The following LLGL1 variants were observed in gnomAD, a reference collection of about 807,000 sequenced individuals.
LLGL1 encodes lethal(2) giant larvae protein homolog 1.
In LLGL1, 58 loss-of-function variants were observed where a neutral mutation model predicts 110.6. The ratio of observed to expected loss-of-function variants is 0.52; its 90% CI spans 0.42 to 0.65. The LOEUF is 0.65. LLGL1 is among the 30% of genes least tolerant of loss of function. LLGL1 has a pLI of 0.00. For synonymous variants in LLGL1, 674 were observed against 607.2 expected (o/e 1.11, Z -1.62); for missense variants, 1,229 against 1,462.1 (o/e 0.84, Z 2.60).
intron 10 of LLGL1, 33 bp downstream of exon 10, chr17:18,235,345 T>G (rs2047669322): frequency 6.2e-7 from 1 of 1,607,094 alleles, no homozygotes; most frequent in Non-Finnish European, 8.5e-7. Context: ...TCTTACAGGG[T>G]GGAGTCTTGA....
At chr17:18,235,853 A>C in intron 11 of LLGL1, 4 of 365,712 alleles carry the variant, frequency 1.1e-5, no homozygotes, top group Non-Finnish European at 2.0e-5. Context: ...CAGAGAGCCC[A>C]GCGTGGGCCT....
rs558854973 is a variant in LLGL1 at position 18,232,729 on chromosome 17, C to A, written c.319C>A (p.His107Asn). 1 of 1,614,148 alleles carries A rather than the reference C, an allele frequency of 6.2e-7. No individual in the cohort carries two copies. The highest frequency in any genetic ancestry group is 1.7e-5 in the Admixed American group (1 of 60,020). The stretch of plus-strand genomic sequence containing the variant: ...TCTGCATCTCTGGGAGATTGTCCAC[C>A]ATAATGGCTGTGCCCACCTGGAAGA... ...SSLHLWEIVHHNGCAHLEEAL... is the reference protein window; with the variant it reads ...SSLHLWEIVHNNGCAHLEEAL... The change falls in exon 4 of 23, where the codon CAT (histidine) becomes AAT (asparagine). Residue 107 changes from histidine to asparagine, a missense_variant. By Grantham distance (68) the His-to-Asn change is moderately conservative (BLOSUM62 1). Coordinates refer to ENST00000316843, the MANE Select transcript of LLGL1 (RefSeq NM_004140.4).
In LLGL1 at chr17:18,225,721, G is replaced by A. The variant is rs1163640747; in HGVS notation, c.39G>A (p.Pro13=). 9.5e-7 allele frequency: 1 copy of A among 1,056,912 alleles called. No individual in the cohort carries two copies. The highest frequency in any genetic ancestry group is 1.2e-6 in the Non-Finnish European group (1 of 865,318). The allele number at this position is 1,056,912 out of a possible 1,614,324, so 65.5% of individuals were successfully genotyped here. Reference sequence around the variant, plus strand: ...GGTTCCGGCGGCAGGGCGCCGACCCGCAGCGCGAGAAGCTCAAGCAGGAGC... The same window carrying A: ...GGTTCCGGCGGCAGGGCGCCGACCCACAGCGCGAGAAGCTCAAGCAGGAGC... ...KFRFRRQGAD[P]QREKLKQELF... The change falls in exon 1 of 23, where the codon CCG becomes CCA. Residue 13 remains proline, a synonymous_variant. Coordinates refer to ENST00000316843, the MANE Select transcript of LLGL1 (RefSeq NM_004140.4).
At chr17:18,238,392 G>C in intron 15 of LLGL1, 64 bp from the exon 16 acceptor site, 1 of 1,573,494 alleles carries the variant, frequency 6.4e-7, no homozygotes. Context: ...AACGTAGGGC[G>C]CAAAGCAGGA....
chr17:18,229,840 C>T, intron 1 of LLGL1, 101 bp from the exon 2 acceptor site: 3 of 734,636 alleles, frequency 4.1e-6, no homozygotes, highest in South Asian at 3.4e-5. Flanking sequence ...CCCAGTGTGT[C>T]AGCTGCAGAC....
chr17:18,242,557 A>G lies in LLGL1; in HGVS notation c.3045A>G (p.Ser1015=), dbSNP rs2142729416. The G allele has an allele frequency of 5.6e-6, 9 of 1,614,106 alleles. No homozygotes were observed. The highest frequency in any genetic ancestry group is 2.2e-5 in the South Asian group (2 of 91,086). The change falls in exon 21 of 23, where the codon TCA becomes TCG. Residue 1015 remains serine, a synonymous_variant. Coordinates refer to ENST00000316843, the MANE Select transcript of LLGL1 (RefSeq NM_004140.4). ...CACTCTCACCCATGTCCATCGACTCAGCCACCAGTGCTGACACCACGCTGG... is the reference window on the plus strand; with the variant it reads ...CACTCTCACCCATGTCCATCGACTCGGCCACCAGTGCTGACACCACGCTGG... The part of the protein sequence containing the change: ...EAALSPMSID[S]ATSADTTLDT...
At chr17:18,232,426 G>T (rs1382485915) in intron 2 of LLGL1, 69 bp from the exon 3 acceptor site, 37 of 1,379,778 alleles carry the variant, frequency 2.7e-5, no homozygotes, top group Non-Finnish European at 3.5e-5. Context: ...TCAAGGAGGA[G>T]CCTTGGGTGT....
chr17:18,240,872 A>T lies in LLGL1; in HGVS notation c.2501A>T (p.Lys834Met). The T allele has an allele frequency of 6.6e-7, 1 of 1,521,282 alleles. No homozygotes were observed. The highest frequency in any genetic ancestry group is 2.5e-5 in the East Asian group (1 of 40,498). 94.2% of individuals were successfully genotyped at this position (1,521,282 alleles called of 1,614,324 possible). A position where few individuals can be genotyped will look rare whatever the true frequency, so the allele number is the denominator to read the frequency against. Reference protein sequence around the residue: ...AVLIASEEQFKVFTLPKVSAK... With the variant: ...AVLIASEEQFMVFTLPKVSAK... Reference sequence around the variant, plus strand: ...CTCATCGCATCTGAGGAGCAGTTCAAGGTGAGCCACTGTGGGCTGTGGGGG... The same window carrying T: ...CTCATCGCATCTGAGGAGCAGTTCATGGTGAGCCACTGTGGGCTGTGGGGG... The change falls in exon 17 of 23, where the codon AAG becomes ATG. Residue 834 changes from lysine to methionine, a missense_variant and splice_region_variant. Physicochemically the swap from Lys to Met is moderately conservative, Grantham distance 95 (BLOSUM62 -1). Coordinates refer to ENST00000316843, the MANE Select transcript of LLGL1 (RefSeq NM_004140.4). This position sits in a 1 kb window ranked among gnomAD's most constrained non-coding sequence, Gnocchi z 5.3.
rs1163776679 is a variant in LLGL1 at position 18,244,722 on chromosome 17, C to CG, written c.*828dup. On this transcript the variant is annotated 3_prime_UTR_variant, in exon 23 of 23. Transcript: ENST00000316843. The stretch of plus-strand genomic sequence containing the variant: ...GGCCTAGTCAGGTGTGTGTGTCCGG[C>CG]GGGGGGGGGGGGCAGGGGGGGGGGT... 90 of 7,890 alleles carry CG rather than the reference C, an allele frequency of 0.011. 6 individuals carry two copies. Among genetic ancestry groups the CG allele is most frequent in the African/African-American group, 0.032 (30 of 930 alleles). The allele number at this position is 7,890 out of a possible 1,614,324, so 0.5% of individuals were successfully genotyped here.
Position 18,240,465 on chromosome 17 carries a change from G to T in LLGL1, c.2207-113G>T. On this transcript the variant is annotated intron_variant, in intron 16 of 22. Transcript: ENST00000316843. This position sits in a 1 kb window ranked among gnomAD's most constrained non-coding sequence, Gnocchi z 5.3. ...CAGCCCTGAGTCCCAGGGTGTCATA[G>T]TTAGGAAGCAGGGCTACAAGAGAGG... 1 of 1,284,682 alleles carries T rather than the reference G, an allele frequency of 7.8e-7. No homozygotes were observed. The highest frequency in any genetic ancestry group is 1.1e-6 in the Non-Finnish European group (1 of 942,868). The allele number at this position is 1,284,682 out of a possible 1,614,324, so 79.6% of individuals were successfully genotyped here.
rs566558385 is a variant in LLGL1 at position 18,241,908 on chromosome 17, G to C, written c.2791G>C (p.Glu931Gln). 3.2e-5 allele frequency: 52 copies of C among 1,614,102 alleles called. 1 individual carries two copies. In the South Asian group the frequency reaches 5.4e-4, roughly 17 times the overall value. The change falls in exon 19 of 23, where the codon GAA becomes CAA. Residue 931 changes from glutamate to glutamine, a missense_variant. Physicochemically the swap from Glu to Gln is conservative, Grantham distance 29 (BLOSUM62 2). Transcript: ENST00000316843. ...AGGCTTTTACCTGATATCCCCATCA[G>C]AATTTGAACGCTTCTCCCTAAGTGC... ...GQGFYLISPS[E>Q]FERFSLSARN...
Position 18,234,397 on chromosome 17 carries a change from C to T in LLGL1, c.839C>T (p.Thr280Ile), listed in dbSNP as rs1301123851. 6.2e-6 allele frequency: 10 copies of T among 1,612,566 alleles called. No individual in the cohort carries two copies. The African/African-American group carries it at 9.3e-5, about 15-fold the overall frequency. The change falls in exon 7 of 23, where the codon ACC becomes ATC. Residue 280 changes from threonine to isoleucine, a missense_variant. Physicochemically the swap from Thr to Ile is moderately conservative, Grantham distance 89 (BLOSUM62 -1). Transcript: ENST00000316843. ...SFPTLQPTVA[T>I]TPYGPFPCKA... ...CCAACGCTGCAGCCCACGGTAGCCA[C>T]CACACCTTACGGTGAGTGCTGGGGA...
At position 18,237,548 on chromosome 17, in the gene LLGL1, T is replaced by A; in HGVS notation, c.1679T>A (p.Leu560His). 5.0e-6 allele frequency: 8 copies of A among 1,608,968 alleles called. No homozygotes were observed. Among genetic ancestry groups the A allele is most frequent in the Non-Finnish European group, 6.8e-6 (8 of 1,178,364 alleles). ...QAVSVAIIDL[L>H]QDREGFTWKG... ...GTCAGCGTGGCCATCATAGACCTCC[T>A]CCAGGACCGCGAGGGCTTCACATGG... Residue 560 changes from leucine (L) to histidine (H), a missense_variant, in exon 14 of 23, where the codon CTC becomes CAC. Leu to His is a moderately conservative substitution (Grantham distance 99, BLOSUM62 -3). Transcript: ENST00000316843.
chr17:18,236,948 G>A lies in LLGL1; in HGVS notation c.1611+9G>A, dbSNP rs1460207466. The A allele has an allele frequency of 3.1e-6, 5 of 1,607,028 alleles. No individual in the cohort carries two copies. Among genetic ancestry groups the A allele is most frequent in the Non-Finnish European group, 4.3e-6 (5 of 1,175,590 alleles). Reference sequence around the variant, plus strand: ...CTGGCACTGCAGGCCAGGTAGGGCTGGGTGTCCCCTGGGTTGGAGATGTCA... The same window carrying A: ...CTGGCACTGCAGGCCAGGTAGGGCTAGGTGTCCCCTGGGTTGGAGATGTCA... On this transcript the variant is annotated intron_variant, in intron 13 of 22. Coordinates refer to ENST00000316843, the MANE Select transcript of LLGL1 (RefSeq NM_004140.4).
chr17:18,229,824 C>T (rs2047529231), intron 1 of LLGL1, 117 bp from the exon 2 acceptor site: 2 of 672,846 alleles, frequency 3.0e-6, no homozygotes, highest in East Asian at 2.6e-5. Context: ...AGACCTGCCT[C>T]CTACCCCCAG....
intron 18 of LLGL1, 40 bp from the exon 19 acceptor site, chr17:18,241,845 G>A: frequency 2.5e-6 from 4 of 1,603,902 alleles, no homozygotes; most frequent in Non-Finnish European, 1.7e-6. Flanking sequence ...GTGGTTGGTG[G>A]TATCTTCTAA....
chr17:18,230,489 C>CA (rs2047543111), intron 2 of LLGL1, among the ~76,000 whole-genome samples: 2 of 150,170 alleles, frequency 1.3e-5, no homozygotes, highest in Non-Finnish European at 2.9e-5. Flanking sequence ...CCAGGCTCGG[C>CA]ATGGTGAGCA....
rs1326571601 is a variant in LLGL1 at position 18,240,927 on chromosome 17, C to T, written c.2502+54C>T. On this transcript the variant is annotated intron_variant, in intron 17 of 22. Transcript: ENST00000316843. The surrounding 1 kb of genome is among the most constrained non-coding windows in gnomAD (Gnocchi z 5.3). ...TGGGGGACTCCCCTCCAGGCCCCAA[C>T]CTCATGGACACCATTGGACCCTCAA... 6.9e-7 allele frequency: 1 copy of T among 1,455,030 alleles called. No individual in the cohort carries two copies. The highest frequency in any genetic ancestry group is 1.4e-5 in the South Asian group (1 of 71,444). The allele number at this position is 1,455,030 out of a possible 1,614,324, so 90.1% of individuals were successfully genotyped here. A position where few individuals can be genotyped will look rare whatever the true frequency, so the allele number is the denominator to read the frequency against.
chr17:18,240,974 C>A lies in LLGL1; in HGVS notation c.2502+101C>A. On this transcript the variant is annotated intron_variant, in intron 17 of 22. Transcript: ENST00000316843. The surrounding 1 kb of genome is among the most constrained non-coding windows in gnomAD (Gnocchi z 5.3). The stretch of plus-strand genomic sequence containing the variant: ...TCAAGAAACCCTTCCTGCCTGTATC[C>A]CCCACTGTTGGGACCCTAATTCCCT... 1.6e-6 allele frequency: 2 copies of A among 1,254,110 alleles called. No homozygotes were observed. Among genetic ancestry groups the A allele is most frequent in the East Asian group, 5.2e-5 (2 of 38,722 alleles). 77.7% of individuals were successfully genotyped at this position (1,254,110 alleles called of 1,614,324 possible). A position where few individuals can be genotyped will look rare whatever the true frequency, so the allele number is the denominator to read the frequency against.
Sources: gnomAD v4.1 joint callset for allele counts (sites outside exome capture counted in the v4.1 genomes callset) on GRCh38, gnomAD v4.1.1 for gene constraint, Gnocchi (gnomAD v3.1) non-coding constraint, MANE v1.5 for transcripts, NCBI Gene and HGNC (gene_info 2026-07-23, HGNC 2026-07-21) for gene names.